ANKRD36C: variants seen among roughly 807,000 people sequenced by gnomAD.
The protein encoded by ANKRD36C is ankyrin repeat domain-containing protein 36C.
ANKRD36C carries 61 observed loss-of-function variants against 276.4 expected under a neutral mutation model. The observed-to-expected ratio is 0.22, with a 90% CI of 0.18 to 0.27. ANKRD36C has a LOEUF of 0.27. ANKRD36C is among the 10% of genes least tolerant of loss of function. ANKRD36C has a pLI of 1.00. For synonymous variants in ANKRD36C, 483 were observed against 680.1 expected, an observed-to-expected ratio of 0.71 and a Z score of 4.51; for missense variants, 1,447 against 2,032.3, an observed-to-expected ratio of 0.71 and a Z score of 5.54.
intron 47 of ANKRD36C, 22 bp from the exon 68 acceptor site, chr2:95,889,893 A>G: frequency 6.2e-7 from 1 of 1,606,986 alleles, no homozygotes; most frequent in Non-Finnish European, 8.5e-7. Flanking sequence ...TTGAAACACA[A>G]CAGTCAATAA....
chr2:95,916,564 AT>A (rs1410989025), intron 36 of ANKRD36C, among the ~76,000 whole-genome samples: 2 of 151,620 alleles, frequency 1.3e-5, no homozygotes, highest in African/African-American at 4.8e-5. Flanking sequence ...AAACCAAAGG[AT>A]TTACACCATT....
chr2:95,919,490 C>T (rs1677206228), intron 34 of ANKRD36C, among the ~76,000 whole-genome samples: 2 of 132,882 alleles, frequency 1.5e-5, no homozygotes, highest in Admixed American at 1.6e-4. Context: ...AACTGCTCTC[C>T]CTATTTCTTC....
At chr2:95,868,413 G>A (rs187076145) in intron 59 of ANKRD36C, among the ~76,000 whole-genome samples, 6 of 151,726 alleles carry the variant, frequency 4.0e-5, no homozygotes, top group East Asian at 3.9e-4. Flanking sequence ...GCGGTGTTTT[G>A]GTTTTTTGTC....
chr2:95,884,720 G>A (rs974630825), intron 52 of ANKRD36C, among the ~76,000 whole-genome samples: 9 of 151,990 alleles, frequency 5.9e-5, no homozygotes, highest in African/African-American at 1.7e-4. Context: ...AAAGCAGATG[G>A]TACTTGATCC....
intron 42 of ANKRD36C, among the ~76,000 whole-genome samples, chr2:95,908,298 T>C: frequency 6.6e-6 from 1 of 150,864 alleles, no homozygotes; most frequent in East Asian, 2.0e-4. Context: ...AATTTCAATA[T>C]GGGGAAGTGT....
At chr2:95,859,912 G>A (rs762076496) in exon 61 of ANKRD36C, 21 of 1,550,174 alleles carry the variant, frequency 1.4e-5, no homozygotes, top group African/African-American at 6.9e-5. Context: ...CTTTAACTGC[G>A]ATTTTATTTC....
At chr2:95,930,276 G>A (rs1405573091) in intron 24 of ANKRD36C, among the ~76,000 whole-genome samples, 1 of 151,360 alleles carries the variant, frequency 6.6e-6, no homozygotes, top group Admixed American at 6.6e-5. Flanking sequence ...GTGCCCAATG[G>A]TAACAAAGAG....
Position 95,921,815 on chromosome 2 carries a change from A to G in ANKRD36C, c.2144-5T>C. 1 of 1,597,582 alleles carries G rather than the reference A, an allele frequency of 6.3e-7. No individual in the cohort carries two copies. Among genetic ancestry groups the G allele is most frequent in the South Asian group, 1.1e-5 (1 of 87,636 alleles). On this transcript the variant is annotated splice_polypyrimidine_tract_variant and splice_region_variant and intron_variant, in intron 32 of 66. Coordinates refer to ENST00000456556, the Ensembl canonical transcript of ANKRD36C. ...CTGGTTGTTTCTGAGAAGACACTGA[A>G]AAACAAAAGGGATAATCACTCATAT...
At chr2:95,921,923 T>C in intron 32 of ANKRD36C, 113 bp from the exon 33 acceptor site, 2 of 1,147,646 alleles carry the variant, frequency 1.7e-6, no homozygotes, top group Admixed American at 2.9e-5. Context: ...TAGGCTTTGA[T>C]GTTTTCTACT....
exon 63 of ANKRD36C, chr2:95,855,724 G>A: frequency 6.2e-7 from 1 of 1,613,250 alleles, no homozygotes; most frequent in Non-Finnish European, 8.5e-7. Flanking sequence ...TGCAGAGAAA[G>A]AATCAGAACA....
intron 59 of ANKRD36C, among the ~76,000 whole-genome samples, chr2:95,869,895 G>A (rs1280808501): frequency 2.0e-5 from 3 of 152,256 alleles, no homozygotes; most frequent in Admixed American, 6.5e-5. Flanking sequence ...TACGCCCATG[G>A]AGTCTAACTA....
chr2:95,976,410 T>C (rs1678810793), intron 6 of ANKRD36C, among the ~76,000 whole-genome samples: 1 of 152,198 alleles, frequency 6.6e-6, no homozygotes, highest in Non-Finnish European at 1.5e-5. Flanking sequence ...AGAGTCGGGA[T>C]GTATGTGCTT....
chr2:95,918,889 AACATG>A (rs1219566049), intron 34 of ANKRD36C, among the ~76,000 whole-genome samples: 1 of 143,040 alleles, frequency 7.0e-6, no homozygotes, highest in Non-Finnish European at 1.6e-5. Context: ...TTGTTTCTAA[AACATG>A]ATACTTCTTG....
chr2:95,893,192 G>T lies in ANKRD36C; in HGVS notation c.2756-1332C>A, dbSNP rs372866949. Among the ~76,000 whole-genome samples the T allele has an allele frequency of 1.1e-4, 17 of 151,542 alleles. No homozygotes were observed. The East Asian group carries it at 3.1e-3, about 28-fold the overall frequency. On this transcript the variant is annotated intron_variant, in intron 44 of 66. Transcript: ENST00000456556. ...TTTTTAGCAGTACGATGTGACGTCT[G>T]TAAAATCGATACTTCCTCTCTTTCT...
At position 95,921,819 on chromosome 2, in the gene ANKRD36C, C is replaced by G. The variant is rs1677279788; in HGVS notation, c.2144-9G>C. Reference sequence around the variant, plus strand: ...TTGTTTCTGAGAAGACACTGAAAAACAAAAGGGATAATCACTCATATGTAA... The same window carrying G: ...TTGTTTCTGAGAAGACACTGAAAAAGAAAAGGGATAATCACTCATATGTAA... On this transcript the variant is annotated splice_polypyrimidine_tract_variant and intron_variant, in intron 32 of 66. Coordinates refer to ENST00000456556, the Ensembl canonical transcript of ANKRD36C. 1 of 1,595,758 alleles carries G rather than the reference C, an allele frequency of 6.3e-7. No individual in the cohort carries two copies. Among genetic ancestry groups the G allele is most frequent in the African/African-American group, 1.4e-5 (1 of 73,804 alleles).
intron 64 of ANKRD36C, chr2:95,853,086 C>T (rs937865143): frequency 6.6e-6 from 1 of 152,192 alleles, no homozygotes; most frequent in African/African-American, 2.4e-5. Context: ...AAAATAGATA[C>T]ATGTTGGCAA....
At chr2:95,918,069 A>T (rs1677156754) in intron 34 of ANKRD36C, 27 bp from the exon 37 acceptor site, 2 of 1,596,310 alleles carry the variant, frequency 1.3e-6, no homozygotes. Context: ...ATACATAATC[A>T]CTCATGTGTA....
In ANKRD36C at chr2:95,902,977, G is replaced by T. The variant is rs1447218956; in HGVS notation, c.2654-3641C>A. The stretch of plus-strand genomic sequence containing the variant: ...TTGTAGCCTGAATGGAATTTGAAAT[G>T]CAATAATAAATTAATAAAGTATGCT... On this transcript the variant is annotated intron_variant, in intron 42 of 66. Transcript: ENST00000456556. 14 of 1,580,698 alleles carry T rather than the reference G, an allele frequency of 8.9e-6. 1 individual carries two copies. The highest frequency in any genetic ancestry group is 2.3e-5 in the South Asian group (2 of 88,316).
At chr2:95,991,758 G>A (rs769026052) in exon 1 of ANKRD36C, 37 of 1,575,598 alleles carry the variant, frequency 2.3e-5, no homozygotes, top group Non-Finnish European at 3.0e-5. Flanking sequence ...GCTCGCCTTC[G>A]GGGATCGCCG....
Sources: allele counts gnomAD v4.1 joint callset (sites outside exome capture counted in the v4.1 genomes callset), GRCh38; gene constraint gnomAD v4.1.1; transcripts MANE v1.5; gene names NCBI Gene and HGNC (gene_info 2026-07-23, HGNC 2026-07-21).